Variants in ADGRB3 observed in about 807,000 individuals in gnomAD.
ADGRB3 encodes brain-specific angiogenesis inhibitor 3.
Under a neutral mutation model 193.4 loss-of-function variants are expected in ADGRB3, and 37 were observed. That is an observed-to-expected ratio of 0.19 (90% CI 0.15 to 0.25). The LOEUF is 0.25. Among genes scored for constraint, ADGRB3 ranks in the 10% least tolerant of loss-of-function variants. The pLI is 1.00. For missense variants in ADGRB3, 1,637 were observed against 1,852.9 expected, an observed-to-expected ratio of 0.88 and a Z score of 2.14; for synonymous variants, 690 against 644.2, an observed-to-expected ratio of 1.07 and a Z score of -1.08.
At chr6:69,066,302 T>G (rs932550255) in intron 16 of ADGRB3, among the ~76,000 whole-genome samples, 1 of 151,842 alleles carries the variant, frequency 6.6e-6, no homozygotes. Flanking sequence ...ACTTATTTTC[T>G]TATATCAAAA....
intron 13 of ADGRB3, among the ~76,000 whole-genome samples, chr6:69,037,419 C>G (rs1770905426): frequency 6.6e-6 from 1 of 152,102 alleles, no homozygotes; most frequent in South Asian, 2.1e-4. Context: ...CCTGATAGCC[C>G]ACAAAACTGA....
intron 26 of ADGRB3, among the ~76,000 whole-genome samples, chr6:69,351,459 A>T (rs990693619): frequency 4.6e-5 from 7 of 152,222 alleles, no homozygotes; most frequent in African/African-American, 1.7e-4. Flanking sequence ...AGAATTTCTT[A>T]TGCAAATCTT....
At chr6:68,712,029 T>C (rs1489332294) in intron 3 of ADGRB3, among the ~76,000 whole-genome samples, 2 of 151,958 alleles carry the variant, frequency 1.3e-5, no homozygotes, top group Non-Finnish European at 2.9e-5. Flanking sequence ...AATATTAGGC[T>C]ATGGAAACAA....
chr6:69,131,160 A>C (rs1429578423), intron 17 of ADGRB3, among the ~76,000 whole-genome samples: 2 of 152,144 alleles, frequency 1.3e-5, no homozygotes, highest in South Asian at 4.1e-4. Context: ...ATACCCTTTC[A>C]GTATAAGATA....
intron 3 of ADGRB3, among the ~76,000 whole-genome samples, chr6:68,722,502 G>T (rs972449124): frequency 3.3e-5 from 5 of 151,416 alleles, no homozygotes; most frequent in Non-Finnish European, 7.4e-5. Flanking sequence ...TTGATCTTGA[G>T]GTATATATTT....
chr6:68,645,354 T>C (rs1244771245), intron 3 of ADGRB3, among the ~76,000 whole-genome samples: 1 of 152,144 alleles, frequency 6.6e-6, no homozygotes, highest in Non-Finnish European at 1.5e-5. Context: ...TGAAAAAAAT[T>C]AATAAAATTA....
At chr6:69,275,087 G>A (rs1767273029) in intron 20 of ADGRB3, among the ~76,000 whole-genome samples, 1 of 152,118 alleles carries the variant, frequency 6.6e-6, no homozygotes, top group Non-Finnish European at 1.5e-5. Flanking sequence ...ATATAGCATG[G>A]CTTTGCTGAG....
chr6:68,893,104 C>T (rs1766125090), intron 3 of ADGRB3, among the ~76,000 whole-genome samples: 1 of 152,040 alleles, frequency 6.6e-6, no homozygotes, highest in African/African-American at 2.4e-5. Flanking sequence ...ATGAAATTAA[C>T]ATCATTATCA....
chr6:69,152,396 C>T (rs1774704737), intron 17 of ADGRB3, among the ~76,000 whole-genome samples: 1 of 152,112 alleles, frequency 6.6e-6, no homozygotes, highest in African/African-American at 2.4e-5. Flanking sequence ...TATTAGAAAT[C>T]ATTAGTGGGA....
At chr6:69,361,941 T>C (rs1561999481) in intron 29 of ADGRB3, among the ~76,000 whole-genome samples, 1 of 151,940 alleles carries the variant, frequency 6.6e-6, no homozygotes, top group South Asian at 2.1e-4. Context: ...ATCTGCACTT[T>C]CTGTGTAACA....
intron 3 of ADGRB3, among the ~76,000 whole-genome samples, chr6:68,737,521 C>CA (rs1765895199): frequency 6.6e-6 from 1 of 152,068 alleles, no homozygotes; most frequent in Non-Finnish European, 1.5e-5. Context: ...TCCAAAATTG[C>CA]AAGTTCTTGC....
intron 15 of ADGRB3, among the ~76,000 whole-genome samples, chr6:69,057,831 T>G (rs1338027752): frequency 1.3e-5 from 2 of 152,048 alleles, no homozygotes; most frequent in Non-Finnish European, 2.9e-5. Flanking sequence ...GAATTTGGTT[T>G]GCTAGCATTT....
At chr6:68,821,070 A>G (rs1045179543) in intron 3 of ADGRB3, among the ~76,000 whole-genome samples, 1 of 151,996 alleles carries the variant, frequency 6.6e-6, no homozygotes, top group African/African-American at 2.4e-5. Context: ...TTTGTACCTT[A>G]ATAAAAATGA....
intron 3 of ADGRB3, among the ~76,000 whole-genome samples, chr6:68,719,205 C>T (rs931887493): frequency 6.6e-6 from 1 of 151,446 alleles, no homozygotes; most frequent in African/African-American, 2.4e-5. Flanking sequence ...AGTCCGTGTC[C>T]CTGATGTTAT....
chr6:69,295,530 C>A (rs1266151134), intron 20 of ADGRB3, among the ~76,000 whole-genome samples: 1 of 152,102 alleles, frequency 6.6e-6, no homozygotes, highest in Non-Finnish European at 1.5e-5. Context: ...CACAGAGAGC[C>A]TCCTCCAAGG....
chr6:69,027,642 G>A lies in ADGRB3; in HGVS notation c.2107+9143G>A, dbSNP rs78410904. On this transcript the variant is annotated intron_variant, in intron 13 of 31. Coordinates refer to ENST00000370598, the MANE Select transcript of ADGRB3 (RefSeq NM_001704.3). ...AGGATCATTCTGACTATGAGGTGGAGATATTATAATAGACTATTTGGCGCT... is the reference window on the plus strand; with the variant it reads ...AGGATCATTCTGACTATGAGGTGGAAATATTATAATAGACTATTTGGCGCT... Among the ~76,000 whole-genome samples the A allele has an allele frequency of 2.0e-4, 30 of 152,282 alleles. No individual in the cohort carries two copies. The East Asian group carries it at 5.0e-3, about 25-fold the overall frequency.
intron 3 of ADGRB3, among the ~76,000 whole-genome samples, chr6:68,721,947 G>A (rs6455295): frequency 0.77 from 116,826 of 151,218 alleles, 45,310 homozygotes; most frequent in Middle Eastern, 0.91. Flanking sequence ...TACACAATAA[G>A]TTTTCATTAA....
chr6:68,739,841 A>G (rs988362678), intron 3 of ADGRB3, among the ~76,000 whole-genome samples: 9 of 152,204 alleles, frequency 5.9e-5, no homozygotes, highest in African/African-American at 1.9e-4. Flanking sequence ...TAAGCCATCA[A>G]TAGTCATTTA....
Position 69,235,372 on chromosome 6 carries a change from T to C in ADGRB3, c.2711+237T>C, listed in dbSNP as rs3818533. Reference sequence around the variant, plus strand: ...GTACACACATAAACTTTTATTCTCATTTCAAATGTTAGTAGCCTTCAACAA... The same window carrying C: ...GTACACACATAAACTTTTATTCTCACTTCAAATGTTAGTAGCCTTCAACAA... On this transcript the variant is annotated intron_variant, in intron 19 of 31. Coordinates refer to ENST00000370598, the MANE Select transcript of ADGRB3 (RefSeq NM_001704.3). Among the ~76,000 whole-genome samples the C allele has an allele frequency of 2.0e-3, 304 of 152,184 alleles. 1 individual carries two copies. In the East Asian group the frequency reaches 0.027, roughly 14 times the overall value.
Sources: allele counts gnomAD v4.1 joint callset (sites outside exome capture counted in the v4.1 genomes callset), GRCh38; gene constraint gnomAD v4.1.1; transcripts MANE v1.5; gene names NCBI Gene and HGNC (gene_info 2026-07-23, HGNC 2026-07-21).